The following ABI1 variants were observed in gnomAD, a reference collection of about 807,000 sequenced individuals.
The protein encoded by ABI1 is Abelson interactor 1.
Under a neutral mutation model 54.6 loss-of-function variants are expected in ABI1, and 14 were observed. That is an observed-to-expected ratio of 0.26 (90% CI 0.17 to 0.40). The LOEUF (loss-of-function observed/expected upper bound fraction) is 0.40. Among genes scored for constraint, ABI1 ranks in the 10% least tolerant of loss-of-function variants. ABI1 has a pLI of 1.00. For missense variants in ABI1, 443 were observed against 598.3 expected (o/e 0.74, Z 2.71); for synonymous variants, 194 against 209.3 (o/e 0.93, Z 0.63).
intron 1 of ABI1, among the ~76,000 whole-genome samples, chr10:26,834,082 T>G (rs1173966109): frequency 6.6e-6 from 1 of 151,592 alleles, no homozygotes; most frequent in Non-Finnish European, 1.5e-5. Flanking sequence ...AAACAAAAAT[T>G]AGCCGGGCGT....
intron 8 of ABI1, among the ~76,000 whole-genome samples, chr10:26,757,593 C>A (rs904235653): frequency 2.0e-5 from 3 of 152,148 alleles, no homozygotes; most frequent in Non-Finnish European, 4.4e-5. Context: ...CCTTTTGATA[C>A]CAAATGTTAG....
intron 1 of ABI1, among the ~76,000 whole-genome samples, chr10:26,825,309 T>C (rs951923602): frequency 6.6e-6 from 1 of 152,162 alleles, no homozygotes; most frequent in Non-Finnish European, 1.5e-5. Flanking sequence ...GAGAATTGCT[T>C]AAGCCCAAGA....
In ABI1 at chr10:26,751,581, C is replaced by A; in HGVS notation, c.1270+17G>T. On this transcript the variant is annotated intron_variant, in intron 10 of 10. Transcript: ENST00000376140. ...TAGGTTATTTTCCTTCACATCAACT[C>A]AATGACTGTACCTTACCTTTCTCAA... The A allele has an allele frequency of 6.2e-7, 1 of 1,602,404 alleles. No homozygotes were observed. Among genetic ancestry groups the A allele is most frequent in the South Asian group, 1.1e-5 (1 of 88,148 alleles).
At chr10:26,822,525 A>C (rs2048047169) in intron 2 of ABI1, among the ~76,000 whole-genome samples, 1 of 152,220 alleles carries the variant, frequency 6.6e-6, no homozygotes. Context: ...TCAGCAATAA[A>C]AGAGTGAACT....
rs140451284 is a variant in ABI1, at chr10:26,748,301, A to T, written c.*269T>A. The T allele has an allele frequency of 8.1e-4, 251 of 309,370 alleles. No individual in the cohort carries two copies. Among genetic ancestry groups the T allele is most frequent in the Middle Eastern group, 1.8e-3 (2 of 1,114 alleles). The allele number at this position is 309,370 out of a possible 1,614,324, so 19.2% of individuals were successfully genotyped here. On this transcript the variant is annotated 3_prime_UTR_variant, in exon 11 of 11. Transcript: ENST00000376140. ...AAATATTATACCCCACTTCCCCCAG[A>T]ATATTTAGGCTGGTCATAAAGTTAA... is the stretch of plus-strand genomic sequence containing the variant.
At chr10:26,841,566 T>C (rs1167031846) in intron 1 of ABI1, among the ~76,000 whole-genome samples, 1 of 152,162 alleles carries the variant, frequency 6.6e-6, no homozygotes, top group East Asian at 1.9e-4. Flanking sequence ...TGCTATTTTC[T>C]TACCCCTCAC....
At chr10:26,847,034 T>C (rs2050035109) in intron 1 of ABI1, among the ~76,000 whole-genome samples, 1 of 151,440 alleles carries the variant, frequency 6.6e-6, no homozygotes. Context: ...AACTATAAAA[T>C]CACTTGAGGG....
At chr10:26,815,187 A>AGGGG (rs2047482090) in intron 2 of ABI1, among the ~76,000 whole-genome samples, 1 of 151,598 alleles carries the variant, frequency 6.6e-6, no homozygotes. Flanking sequence ...TAATTCCCCA[A>AGGGG]TTAAGAATAA....
intron 2 of ABI1, among the ~76,000 whole-genome samples, chr10:26,822,337 C>A (rs2048034127): frequency 6.6e-6 from 1 of 152,080 alleles, no homozygotes; most frequent in African/African-American, 2.4e-5. Context: ...AGACACCTAC[C>A]ACATGACCTC....
rs142079960 is a variant in ABI1 at position 26,773,355 on chromosome 10, C to T, written c.463-2266G>A. On this transcript the variant is annotated intron_variant, in intron 3 of 10. Transcript: ENST00000376140. Reference sequence around the variant, plus strand: ...TAGCTGGGATTAAAACTGTGTGCCACCATGCTTGGCTAAATTTTGTATTTT... The same window carrying T: ...TAGCTGGGATTAAAACTGTGTGCCATCATGCTTGGCTAAATTTTGTATTTT... Among the ~76,000 whole-genome samples the T allele has an allele frequency of 3.4e-4, 52 of 151,504 alleles. 1 individual carries two copies. In the East Asian group the frequency reaches 9.0e-3, roughly 26 times the overall value.
chr10:26,841,212 G>A (rs939672619), intron 1 of ABI1, among the ~76,000 whole-genome samples: 4 of 152,074 alleles, frequency 2.6e-5, no homozygotes, highest in African/African-American at 9.7e-5. Context: ...TCAACTCTAG[G>A]TGGACATCAG....
chr10:26,767,080 A>G (rs900494973), intron 6 of ABI1, among the ~76,000 whole-genome samples: 1 of 152,222 alleles, frequency 6.6e-6, no homozygotes, highest in Non-Finnish European at 1.5e-5. Flanking sequence ...TGAAAAAAGA[A>G]CTATGCCCTA....
In ABI1 at chr10:26,811,640, T is replaced by A. The variant is rs192136283; in HGVS notation, c.285+11498A>T. On this transcript the variant is annotated intron_variant, in intron 2 of 10. Transcript: ENST00000376140. ...TGAGAAATTTTTCGTGTTTTCCTTATGATGTTAAGAATATTATACAATTTT... is the reference window on the plus strand; with the variant it reads ...TGAGAAATTTTTCGTGTTTTCCTTAAGATGTTAAGAATATTATACAATTTT... Among the ~76,000 whole-genome samples, 32 of 152,252 alleles carry A rather than the reference T, an allele frequency of 2.1e-4. No homozygotes were observed. The South Asian group carries it at 6.0e-3, about 29-fold the overall frequency.
chr10:26,850,315 T>G (rs527797841), intron 1 of ABI1, among the ~76,000 whole-genome samples: 2 of 152,356 alleles, frequency 1.3e-5, no homozygotes, highest in South Asian at 4.1e-4. Flanking sequence ...TGTTTTAAAC[T>G]GCTCAGTTTT....
chr10:26,846,890 A>G (rs2050024709), intron 1 of ABI1, among the ~76,000 whole-genome samples: 1 of 152,060 alleles, frequency 6.6e-6, no homozygotes, highest in Non-Finnish European at 1.5e-5. Context: ...TTCACCCTTC[A>G]GATCTCAACT....
chr10:26,814,828 A>C (rs2047455777), intron 2 of ABI1, among the ~76,000 whole-genome samples: 1 of 152,196 alleles, frequency 6.6e-6, no homozygotes, highest in Non-Finnish European at 1.5e-5. Flanking sequence ...CTGAAAGGAA[A>C]GGGACTCTTT....
At chr10:26,780,321 G>A (rs140090886) in intron 2 of ABI1, among the ~76,000 whole-genome samples, 1 of 152,216 alleles carries the variant, frequency 6.6e-6, no homozygotes, top group Non-Finnish European at 1.5e-5. Context: ...TCAAATTCTT[G>A]CACTCAAGCA....
chr10:26,801,543 T>C (rs1288591286), intron 2 of ABI1, among the ~76,000 whole-genome samples: 1 of 150,134 alleles, frequency 6.7e-6, no homozygotes, highest in African/African-American at 2.5e-5. Flanking sequence ...CCAGAACTTG[T>C]CTCAAAAAAA....
At chr10:26,788,722 C>T (rs1843018068) in intron 2 of ABI1, among the ~76,000 whole-genome samples, 1 of 151,920 alleles carries the variant, frequency 6.6e-6, no homozygotes, top group Non-Finnish European at 1.5e-5. Flanking sequence ...ACTATCCTGG[C>T]TAACACAGTG....
Sources: allele counts gnomAD v4.1 joint callset (sites outside exome capture counted in the v4.1 genomes callset), GRCh38; gene constraint gnomAD v4.1.1; transcripts MANE v1.5; gene names NCBI Gene and HGNC (gene_info 2026-07-23, HGNC 2026-07-21).